The following ANO2 variants were observed in gnomAD, a reference collection of about 807,000 sequenced individuals.
The protein encoded by ANO2 is anoctamin-2.
ANO2 carries 101 observed loss-of-function variants against 124.2 expected under a neutral mutation model. The observed-to-expected ratio is 0.81, with a 90% confidence interval of 0.69 to 0.96. The LOEUF (loss-of-function observed/expected upper bound fraction) is 0.96, where lower values mean the gene tolerates loss of function less well. Ranked by LOEUF, ANO2 falls within the 40% of genes least tolerant of loss-of-function variation. The pLI, the probability that ANO2 is intolerant of heterozygous loss-of-function variation, is 0.00. For missense variants in ANO2, 1,293 were observed against 1,274.5 expected (o/e 1.01, Z -0.22); for synonymous variants, 486 against 482.5 (o/e 1.01, Z -0.09).
chr12:5,642,037 G>A (rs1411659435), intron 15 of ANO2, among the ~76,000 whole-genome samples: 2 of 152,088 alleles, frequency 1.3e-5, no homozygotes, highest in Non-Finnish European at 2.9e-5. Flanking sequence ...TTTCTCTCAG[G>A]CAGCAGACAA....
At chr12:5,859,625 C>G (rs899166460) in intron 3 of ANO2, among the ~76,000 whole-genome samples, 1 of 152,058 alleles carries the variant, frequency 6.6e-6, no homozygotes, top group Non-Finnish European at 1.5e-5. Flanking sequence ...AACCACCTCC[C>G]AGGTTCAAGC....
intron 4 of ANO2, among the ~76,000 whole-genome samples, chr12:5,834,665 C>G (rs1954262879): frequency 6.6e-6 from 1 of 152,182 alleles, no homozygotes; most frequent in South Asian, 2.1e-4. Context: ...AAACCTTTTT[C>G]TATGCATTTT....
chr12:5,732,761 C>A, intron 13 of ANO2, 131 bp from the exon 14 acceptor site: 1 of 1,556,824 alleles, frequency 6.4e-7, no homozygotes, highest in Non-Finnish European at 8.8e-7. Flanking sequence ...ACTGCCCCAC[C>A]ACACACAATC....
chr12:5,776,442 C>T (rs1474643409), intron 10 of ANO2, among the ~76,000 whole-genome samples: 2 of 152,242 alleles, frequency 1.3e-5, no homozygotes, highest in African/African-American at 4.8e-5. Context: ...TATTCCCACA[C>T]AGGCATTGTA....
chr12:5,906,685 C>T (rs562720067), intron 3 of ANO2, among the ~76,000 whole-genome samples: 1 of 152,232 alleles, frequency 6.6e-6, no homozygotes, highest in South Asian at 2.1e-4. Flanking sequence ...GTCCCAGCTA[C>T]TCAGGAGGCT....
At chr12:5,620,484 C>T (rs1945057704) in intron 16 of ANO2, among the ~76,000 whole-genome samples, 2 of 152,066 alleles carry the variant, frequency 1.3e-5, no homozygotes, top group African/African-American at 4.8e-5. Flanking sequence ...TGGAATTCTA[C>T]AGGGGTTGAA....
chr12:5,613,046 C>A, intron 17 of ANO2, 88 bp from the exon 18 acceptor site: 1 of 1,305,814 alleles, frequency 7.7e-7, no homozygotes, highest in South Asian at 1.2e-5. Flanking sequence ...AATACCACCA[C>A]CACTGTCCTC....
At chr12:5,735,439 A>G (rs1412296149) in intron 13 of ANO2, among the ~76,000 whole-genome samples, 1 of 152,196 alleles carries the variant, frequency 6.6e-6, no homozygotes, top group African/African-American at 2.4e-5. Context: ...AGCACCTGCT[A>G]TACTCTGAGC....
intron 20 of ANO2, among the ~76,000 whole-genome samples, chr12:5,589,810 G>A (rs1943305715): frequency 6.6e-6 from 1 of 152,100 alleles, no homozygotes; most frequent in Non-Finnish European, 1.5e-5. Context: ...GGCAGGGCAG[G>A]AGGGAGCTGT....
rs1270975241 is a variant in ANO2 at position 5,612,929 on chromosome 12, T to C, written c.1958A>G (p.Tyr653Cys). The C allele has an allele frequency of 4.3e-6, 7 of 1,613,888 alleles. No homozygotes were observed. The highest frequency in any genetic ancestry group is 2.5e-6 in the Non-Finnish European group (3 of 1,179,852). ...TTCCATGCGGTAACCATCGAATACA[T>C]AGACGTAGCTTCCAGGCCTGCCCAC... ...RFVGRPGSYV[Y>C]VFDGYRMEEC... is the part of the protein sequence containing the mutation. Residue 653 changes from tyrosine to cysteine, a missense_variant, in exon 18 of 25, where the codon TAT (tyrosine) becomes TGT (cysteine). By Grantham distance (194) the Tyr-to-Cys change is radical. Transcript: ENST00000682330.
intron 11 of ANO2, among the ~76,000 whole-genome samples, chr12:5,748,831 C>T (rs1275255685): frequency 1.3e-4 from 19 of 148,932 alleles, no homozygotes; most frequent in Non-Finnish European, 2.7e-4. Flanking sequence ...CTCGGCCTCC[C>T]TCCCTCCCCT....
chr12:5,931,327 G>A (rs559533239), intron 1 of ANO2, among the ~76,000 whole-genome samples: 9 of 152,194 alleles, frequency 5.9e-5, no homozygotes, highest in African/African-American at 2.2e-4. Context: ...TTGGGAGGTT[G>A]GGGTGGGGAT....
At chr12:5,668,537 G>A (rs1452115258) in intron 14 of ANO2, among the ~76,000 whole-genome samples, 1 of 152,140 alleles carries the variant, frequency 6.6e-6, no homozygotes, top group Admixed American at 6.5e-5. Flanking sequence ...ATGTGCAGAA[G>A]CTCTTTGGTT....
chr12:5,715,693 C>A (rs905525555), intron 14 of ANO2, among the ~76,000 whole-genome samples: 4 of 152,302 alleles, frequency 2.6e-5, no homozygotes, highest in South Asian at 2.1e-4. Context: ...GGCAATTCTA[C>A]GAAAGCTGCC....
chr12:5,688,067 T>C (rs1485207845), intron 14 of ANO2, among the ~76,000 whole-genome samples: 2 of 152,228 alleles, frequency 1.3e-5, no homozygotes, highest in Non-Finnish European at 2.9e-5. Flanking sequence ...CCACGCTCTC[T>C]TCTTCTTACA....
intron 20 of ANO2, among the ~76,000 whole-genome samples, chr12:5,585,996 T>C (rs1662616754): frequency 6.6e-6 from 1 of 152,208 alleles, no homozygotes; most frequent in South Asian, 2.1e-4. Flanking sequence ...GTTTGAGCAG[T>C]AACGTTTACT....
chr12:5,726,972 T>C (rs557147199), intron 14 of ANO2, among the ~76,000 whole-genome samples: 1 of 152,148 alleles, frequency 6.6e-6, no homozygotes, highest in East Asian at 1.9e-4. Context: ...TACCCCGGGG[T>C]CCTTATATAT....
chr12:5,733,228 C>T (rs1219417352), intron 13 of ANO2: 1 of 386,666 alleles, frequency 2.6e-6, no homozygotes, highest in African/African-American at 2.0e-5. Context: ...CGGTGAGTAA[C>T]TCATTGGCAA....
intron 14 of ANO2, among the ~76,000 whole-genome samples, chr12:5,710,031 A>G (rs905685680): frequency 2.4e-4 from 36 of 152,228 alleles, no homozygotes; most frequent in African/African-American, 8.4e-4. Flanking sequence ...GAGAGGAGAA[A>G]TGCTAGCCAG....
Sources: gnomAD v4.1 joint callset for allele counts (sites outside exome capture counted in the v4.1 genomes callset) on GRCh38, gnomAD v4.1.1 for gene constraint, MANE v1.5 for transcripts, NCBI Gene and HGNC (gene_info 2026-07-23, HGNC 2026-07-21) for gene names.